MYBPC1: variants seen among roughly 807,000 people sequenced by gnomAD.
MYBPC1 encodes myosin-binding protein C, slow-type.
In MYBPC1, 52 loss-of-function variants were observed where a neutral mutation model predicts 147.1. That is an observed-to-expected ratio of 0.35 (90% CI 0.28 to 0.45). MYBPC1 has a LOEUF of 0.45. MYBPC1 is among the 20% of genes least tolerant of loss of function. The pLI is 1.00. For missense variants in MYBPC1, 1,228 were observed against 1,440.3 expected, an observed-to-expected ratio of 0.85 and a Z score of 2.39; for synonymous variants, 477 against 475.9, an observed-to-expected ratio of 1.00 and a Z score of -0.03.
At chr12:101,645,832 G>A (rs572104116) in intron 12 of MYBPC1, among the ~76,000 whole-genome samples, 41 of 152,110 alleles carry the variant, frequency 2.7e-4, no homozygotes, top group South Asian at 8.3e-4. Flanking sequence ...CTAGTTTTTC[G>A]TTTCTAAATA....
At chr12:101,626,995 T>C in intron 4 of MYBPC1, 85 bp downstream of exon 4, 11 of 1,305,580 alleles carry the variant, frequency 8.4e-6, no homozygotes, top group Non-Finnish European at 1.2e-5. Context: ...TGAGCCTCCT[T>C]GCTGAGTCAG....
chr12:101,641,827 A>C (rs1892112412), intron 10 of MYBPC1, among the ~76,000 whole-genome samples: 2 of 99,158 alleles, frequency 2.0e-5, no homozygotes, highest in Non-Finnish European at 4.2e-5. Flanking sequence ...TGGCAGTTTC[A>C]ATTTTTTTTT....
intron 9 of MYBPC1, among the ~76,000 whole-genome samples, chr12:101,634,865 C>G (rs1468144065): frequency 6.6e-6 from 1 of 152,158 alleles, no homozygotes; most frequent in African/African-American, 2.4e-5. Context: ...CTTAGAAAGA[C>G]ACTTTCAATT....
chr12:101,677,503 A>G (rs1900265082), intron 27 of MYBPC1, 109 bp downstream of exon 27: 2 of 1,322,242 alleles, frequency 1.5e-6, no homozygotes, highest in African/African-American at 1.5e-5. Context: ...GTAAATGTAC[A>G]TTGTAAAATT....
In MYBPC1 at chr12:101,659,695, G is replaced by T; in HGVS notation, c.1791G>T (p.Arg597=). The T allele has an allele frequency of 6.2e-7, 1 of 1,614,110 alleles. No homozygotes were observed. Among genetic ancestry groups the T allele is most frequent in the South Asian group, 1.1e-5 (1 of 91,078 alleles). ...GDKAIMEGSG[R]IRTESYPDSS... is the part of the protein sequence containing the mutation. ...AGGCTATTATGGAAGGCAGTGGCCG[G>T]ATAAGAACAGAATCTTACCCTGATA... The change falls in exon 19 of 32, where the codon CGG becomes CGT. Residue 597 remains arginine (R), a synonymous_variant. Coordinates refer to ENST00000361466, the MANE Select transcript of MYBPC1 (RefSeq NM_002465.4).
rs540013634 is a variant in MYBPC1, at chr12:101,613,352, T to A, written c.26-1144T>A. Among the ~76,000 whole-genome samples the A allele has an allele frequency of 4.6e-5, 7 of 152,348 alleles. No homozygotes were observed. In the East Asian group the frequency reaches 1.3e-3, roughly 29 times the overall value. ...GTCCGCCCTGCTTAACAAGAGTCAC[T>A]TGTGGAAAAAAATGTGGAAAATCCC... On this transcript the variant is annotated intron_variant, in intron 1 of 31. Coordinates refer to ENST00000361466, the MANE Select transcript of MYBPC1 (RefSeq NM_002465.4).
At chr12:101,684,531 C>A in intron 31 of MYBPC1, 107 bp downstream of exon 31, 1 of 859,566 alleles carries the variant, frequency 1.2e-6, no homozygotes, top group Non-Finnish European at 1.9e-6. Context: ...TGAAAATAGA[C>A]TTATTTTAAA....
chr12:101,614,680 G>A, intron 2 of MYBPC1, 149 bp downstream of exon 2: 1 of 784,856 alleles, frequency 1.3e-6, no homozygotes, highest in Non-Finnish European at 2.2e-6. Context: ...GATAAGTTGA[G>A]AATAATAAAA....
chr12:101,673,138 G>T (rs1899090126), intron 24 of MYBPC1, among the ~76,000 whole-genome samples: 1 of 152,162 alleles, frequency 6.6e-6, no homozygotes, highest in African/African-American at 2.4e-5. Flanking sequence ...TTACCTAACT[G>T]CAGGACCTTG....
intron 1 of MYBPC1, among the ~76,000 whole-genome samples, chr12:101,598,315 C>T (rs12302348): frequency 0.029 from 4,406 of 151,942 alleles, 164 homozygotes; most frequent in African/African-American, 0.084. Flanking sequence ...CCACTGTGCC[C>T]GGCCAAGAAA....
At chr12:101,689,483 G>A (rs1206833616), downstream of MYBPC1, among the ~76,000 whole-genome samples, 1 of 152,154 alleles carries the variant, frequency 6.6e-6, no homozygotes, top group African/African-American at 2.4e-5. Context: ...TCCCTGACAA[G>A]CGTGGACCTG....
At chr12:101,671,834 C>A (rs536265374) in intron 24 of MYBPC1, among the ~76,000 whole-genome samples, 1 of 152,152 alleles carries the variant, frequency 6.6e-6, no homozygotes, top group Non-Finnish European at 1.5e-5. Flanking sequence ...ACTGTTCAGC[C>A]CCCAGGAAGG....
At position 101,644,847 on chromosome 12, in the gene MYBPC1, A is replaced by G. The variant is rs368607922; in HGVS notation, c.965+51A>G. 92 of 1,556,072 alleles carry G rather than the reference A, an allele frequency of 5.9e-5. No individual in the cohort carries two copies. In the African/African-American group the frequency reaches 1.0e-3, roughly 17 times the overall value. ...GATAGCTCTACAGTAAATTAATCAA[A>G]TAGTAGTTCGACTGACTTTTCTGAG... is the stretch of plus-strand genomic sequence containing the variant. On this transcript the variant is annotated intron_variant, in intron 12 of 31. Coordinates refer to ENST00000361466, the MANE Select transcript of MYBPC1 (RefSeq NM_002465.4).
chr12:101,611,418 G>A (rs745466613), intron 1 of MYBPC1, among the ~76,000 whole-genome samples: 3 of 152,160 alleles, frequency 2.0e-5, no homozygotes, highest in East Asian at 1.9e-4. Context: ...TCTCTTTTAC[G>A]TATTTGATTA....
At chr12:101,691,158 G>A in the MYBPC1 span, among the ~76,000 whole-genome samples, 1 of 152,094 alleles carries the variant, frequency 6.6e-6, no homozygotes, top group Non-Finnish European at 1.5e-5. Context: ...TGTATCTTCC[G>A]CCTCCTGGGT....
Position 101,673,595 on chromosome 12 carries a change from A to C in MYBPC1, c.2782A>C (p.Thr928Pro), listed in dbSNP as rs1187993494. Residue 928 changes from threonine to proline, a missense_variant, in exon 25 of 32, where the codon ACC (threonine) becomes CCC (proline). This residue lies in a region of MYBPC1 where 1,077 missense variants were observed against 1,314.2 expected (regional missense o/e 0.82). Coordinates refer to ENST00000361466, the MANE Select transcript of MYBPC1 (RefSeq NM_002465.4). ...AGTCAAAGTGGACAAATTCGTGGAG[A>C]CCGCATCAATTGACATCCAGATCAT... Reference protein sequence around the residue: ...LQVKVDKFVETASIDIQIIDR... With the variant: ...LQVKVDKFVEPASIDIQIIDR... The C allele has an allele frequency of 2.5e-6, 4 of 1,614,056 alleles. No homozygotes were observed. Among genetic ancestry groups the C allele is most frequent in the Non-Finnish European group, 3.4e-6 (4 of 1,180,026 alleles).
intron 4 of MYBPC1, 55 bp from the exon 5 acceptor site, chr12:101,627,714 C>T (rs1333609987): frequency 6.3e-7 from 1 of 1,590,964 alleles, no homozygotes; most frequent in Non-Finnish European, 8.6e-7. Context: ...GTCAGCACTC[C>T]ATTTTCATCC....
intron 3 of MYBPC1, 29 bp from the exon 4 acceptor site, chr12:101,626,843 T>C (rs1455961220): frequency 3.1e-6 from 5 of 1,598,084 alleles, no homozygotes; most frequent in Non-Finnish European, 4.3e-6. Flanking sequence ...CTTTTCTCCT[T>C]GACTTTTTAC....
intron 8 of MYBPC1, among the ~76,000 whole-genome samples, chr12:101,634,042 G>A (rs188254885): frequency 1.3e-5 from 2 of 151,942 alleles, no homozygotes; most frequent in Non-Finnish European, 2.9e-5. Context: ...GACTACAGGC[G>A]CCCGCCACCA....
Sources: gnomAD v4.1 joint callset for allele counts (sites outside exome capture counted in the v4.1 genomes callset) on GRCh38, gnomAD v4.1.1 for gene constraint, gnomAD v4.1.1 regional missense constraint, MANE v1.5 for transcripts, NCBI Gene and HGNC (gene_info 2026-07-23, HGNC 2026-07-21) for gene names.